MBOAT2: variants seen among roughly 807,000 people sequenced by gnomAD.
MBOAT2 encodes the protein membrane-bound glycerophospholipid O-acyltransferase 2.
In MBOAT2, 28 loss-of-function variants were observed where a neutral mutation model predicts 63.4. That is an observed-to-expected ratio of 0.44 (90% confidence interval 0.33 to 0.61). MBOAT2 has a LOEUF of 0.61. Ranked by LOEUF, MBOAT2 falls within the 20% of genes least tolerant of loss-of-function variation. MBOAT2 has a pLI of 0.03. For synonymous variants in MBOAT2, 211 were observed against 215.6 expected, an observed-to-expected ratio of 0.98 and a Z score of 0.19; for missense variants, 470 against 605.8, an observed-to-expected ratio of 0.78 and a Z score of 2.35.
intron 3 of MBOAT2, among the ~76,000 whole-genome samples, chr2:8,920,258 A>C (rs577746858): frequency 6.6e-6 from 1 of 152,302 alleles, no homozygotes; most frequent in South Asian, 2.1e-4. Flanking sequence ...ATTTCTGTGC[A>C]TATAGAAACC....
chr2:8,965,976 C>A (rs1009914248), intron 1 of MBOAT2, among the ~76,000 whole-genome samples: 3 of 152,180 alleles, frequency 2.0e-5, no homozygotes, highest in African/African-American at 7.2e-5. Context: ...TCAATTGTTA[C>A]ATCCACATCT....
At chr2:8,942,285 T>C (rs72771526) in intron 3 of MBOAT2, among the ~76,000 whole-genome samples, 4,796 of 152,312 alleles carry the variant, frequency 0.031, 132 homozygotes, top group Non-Finnish European at 0.047. Context: ...TGATTCTTTA[T>C]ACAAAGTTCT....
chr2:8,935,601 T>C (rs113276747), intron 3 of MBOAT2, among the ~76,000 whole-genome samples: 12 of 152,258 alleles, frequency 7.9e-5, no homozygotes, highest in Non-Finnish European at 1.2e-4. Flanking sequence ...ATCTAGAAGT[T>C]TGAACACCTC....
rs573950300 is a variant in MBOAT2 at position 8,899,745 on chromosome 2, C to A, written c.395+8876G>T. On this transcript the variant is annotated intron_variant, in intron 4 of 12. Coordinates refer to ENST00000305997, the MANE Select transcript of MBOAT2 (RefSeq NM_138799.4). ...CAAATCCTACCAGATGATTGGCCTG[C>A]TCCATTTTCTGTCCTCTCTGAACCA... Among the ~76,000 whole-genome samples the A allele has an allele frequency of 2.0e-5, 3 of 152,332 alleles. No homozygotes were observed. In the South Asian group the frequency reaches 6.2e-4, roughly 32 times the overall value.
chr2:8,967,358 T>C (rs1670067469), intron 1 of MBOAT2, among the ~76,000 whole-genome samples: 2 of 152,304 alleles, frequency 1.3e-5, no homozygotes, highest in East Asian at 1.9e-4. Context: ...CTGTAATAAA[T>C]AGACACAAAA....
rs1665552799 is a variant in MBOAT2 at position 8,909,439 on chromosome 2, T to C, written c.300-723A>G. 1.3e-5 allele frequency among the ~76,000 whole-genome samples: 2 copies of C among 152,156 alleles called. 1 individual carries two copies. Among genetic ancestry groups the C allele is most frequent in the African/African-American group, 4.8e-5 (2 of 41,422 alleles). ...TTCATCTCACACCGAAACAATTCTA[T>C]GTGGATTAATGAATTATATGTAAAA... On this transcript the variant is annotated intron_variant, in intron 3 of 12. Coordinates refer to ENST00000305997, the MANE Select transcript of MBOAT2 (RefSeq NM_138799.4).
intron 4 of MBOAT2, among the ~76,000 whole-genome samples, chr2:8,903,132 A>C (rs1665084101): frequency 6.6e-6 from 1 of 152,162 alleles, no homozygotes; most frequent in African/African-American, 2.4e-5. Flanking sequence ...TGACTGGTGC[A>C]TTTACAAACC....
chr2:8,970,645 T>C (rs1406651226), intron 1 of MBOAT2, among the ~76,000 whole-genome samples: 2 of 151,244 alleles, frequency 1.3e-5, no homozygotes, highest in African/African-American at 2.4e-5. Context: ...AAAGAAGAAA[T>C]GAGAGAAGAA....
rs940050015 is a variant in MBOAT2 at position 8,905,352 on chromosome 2, C to CA, written c.395+3268dup. Among the ~76,000 whole-genome samples the CA allele has an allele frequency of 1.0e-4, 15 of 149,956 alleles. No homozygotes were observed. The South Asian group carries it at 1.1e-3, about 11-fold the overall frequency. On this transcript the variant is annotated intron_variant, in intron 4 of 12. Coordinates refer to ENST00000305997, the MANE Select transcript of MBOAT2 (RefSeq NM_138799.4). ...CCCTTGTGCCCATTAAAAAACAAAA[C>CA]AAAAAAAAACAAGAGCCTTCAAGTT...
intron 2 of MBOAT2, among the ~76,000 whole-genome samples, chr2:8,958,145 GA>G (rs1573168087): frequency 6.6e-6 from 1 of 152,236 alleles, no homozygotes; most frequent in East Asian, 1.9e-4. Flanking sequence ...CTTGCCCAGA[GA>G]AAAAACAGGC....
chr2:8,867,902 T>C (rs768297932), intron 9 of MBOAT2, among the ~76,000 whole-genome samples: 4 of 152,176 alleles, frequency 2.6e-5, no homozygotes, highest in African/African-American at 7.2e-5. Flanking sequence ...CAGTGCCCCA[T>C]TGCTCTTATA....
intron 3 of MBOAT2, among the ~76,000 whole-genome samples, chr2:8,931,113 C>G (rs142822443): frequency 0.019 from 2,872 of 152,348 alleles, 39 homozygotes; most frequent in Non-Finnish European, 0.029. Context: ...GCCACACTGT[C>G]TTCCACAATG....
chr2:8,864,007 T>C (rs1467289005), intron 10 of MBOAT2, among the ~76,000 whole-genome samples, 163 bp downstream of exon 10: 1 of 152,196 alleles, frequency 6.6e-6, no homozygotes, highest in Non-Finnish European at 1.5e-5. Flanking sequence ...TCTCATTCGA[T>C]ACTGACTTGC....
chr2:8,873,998 A>G, intron 7 of MBOAT2, among the ~76,000 whole-genome samples: 1 of 152,258 alleles, frequency 6.6e-6, no homozygotes, highest in East Asian at 1.9e-4. Flanking sequence ...AAGAGATTAT[A>G]TAGGCTAGGA....
At chr2:8,942,008 A>C (rs1034056015) in intron 3 of MBOAT2, among the ~76,000 whole-genome samples, 1 of 152,222 alleles carries the variant, frequency 6.6e-6, no homozygotes, top group Non-Finnish European at 1.5e-5. Context: ...CAGAGGTACA[A>C]GTTTTTTAAA....
At position 8,958,731 on chromosome 2, in the gene MBOAT2, C is replaced by A. The variant is rs987340535; in HGVS notation, c.76-89G>T. ...ATTGAAATTCTCAGGACAAAAACAC[C>A]AAGGTTACACAAAAATTGACCTTCC... is the stretch of plus-strand genomic sequence containing the variant. On this transcript the variant is annotated intron_variant, in intron 1 of 12. Coordinates refer to ENST00000305997, the MANE Select transcript of MBOAT2 (RefSeq NM_138799.4). The A allele has an allele frequency of 1.4e-5, 18 of 1,253,620 alleles. No individual in the cohort carries two copies. In the African/African-American group the frequency reaches 2.6e-4, roughly 18 times the overall value. 77.7% of individuals were successfully genotyped at this position (1,253,620 alleles called of 1,614,324 possible).
chr2:8,906,992 A>G (rs1665378711), intron 4 of MBOAT2, among the ~76,000 whole-genome samples: 1 of 152,260 alleles, frequency 6.6e-6, no homozygotes, highest in African/African-American at 2.4e-5. Flanking sequence ...ACCTGCCTGC[A>G]GAGTCCCAGG....
At chr2:8,927,461 AT>A (rs1162594079) in intron 3 of MBOAT2, among the ~76,000 whole-genome samples, 1 of 152,198 alleles carries the variant, frequency 6.6e-6, no homozygotes, top group Non-Finnish European at 1.5e-5. Flanking sequence ...AATTAAAACA[AT>A]TTTCAAGAAA....
intron 1 of MBOAT2, among the ~76,000 whole-genome samples, chr2:8,963,731 C>A (rs1362837518): frequency 6.6e-6 from 1 of 152,170 alleles, no homozygotes; most frequent in Non-Finnish European, 1.5e-5. Context: ...GAAGAAAAAT[C>A]CAAACTATGT....
Sources: allele counts gnomAD v4.1 joint callset (sites outside exome capture counted in the v4.1 genomes callset), GRCh38; gene constraint gnomAD v4.1.1; transcripts MANE v1.5; gene names NCBI Gene and HGNC (gene_info 2026-07-23, HGNC 2026-07-21).